SPATC1L: variants seen among roughly 807,000 people sequenced by gnomAD.
SPATC1L encodes spermatogenesis and centriole associated 1 like.
A neutral mutation model predicts 21.2 loss-of-function variants in SPATC1L; 20 were observed. The observed-to-expected ratio is 0.94, with a 90% CI of 0.66 to 1.37. SPATC1L has a LOEUF of 1.37. SPATC1L is among the 40% of genes most tolerant of loss of function. The pLI is 0.00. For missense variants in SPATC1L, 499 were observed against 478.7 expected, an observed-to-expected ratio of 1.04 and a Z score of -0.40; for synonymous variants, 290 against 234.5, an observed-to-expected ratio of 1.24 and a Z score of -2.16.
chr21:46,174,200 G>T (rs1366821685), intron 2 of SPATC1L, among the ~76,000 whole-genome samples: 1 of 152,002 alleles, frequency 6.6e-6, no homozygotes, highest in Admixed American at 6.6e-5. Context: ...ATGGTGTTGG[G>T]TGCCTATAAT....
chr21:46,162,228 C>T (rs2079504687), intron 3 of SPATC1L, among the ~76,000 whole-genome samples, 161 bp from the exon 4 acceptor site: 1 of 152,168 alleles, frequency 6.6e-6, no homozygotes, highest in South Asian at 2.1e-4. Flanking sequence ...AAAGGAGCTT[C>T]TTAAAGTGCC....
Position 46,168,456 on chromosome 21 carries a change from C to A in SPATC1L, c.396G>T (p.Lys132Asn). The A allele has an allele frequency of 6.2e-7, 1 of 1,600,242 alleles. No individual in the cohort carries two copies. Among genetic ancestry groups the A allele is most frequent in the Non-Finnish European group, 8.5e-7 (1 of 1,173,114 alleles). Residue 132 changes from lysine (K) to asparagine (N), a missense_variant, in exon 3 of 5, where the codon AAG becomes AAT. Coordinates refer to ENST00000291672, the MANE Select transcript of SPATC1L (RefSeq NM_001142854.2). ...GCAAGGGGCTCAGGAGCGGGGACAG[C>A]TTCCTGTCGGTGCCTCGGTGGCTAT... Reference protein sequence around the residue: ...EPHSHRGTDRKLSPLLSPLQD... With the variant: ...EPHSHRGTDRNLSPLLSPLQD...
Position 46,161,415 on chromosome 21 carries a change from G to C in SPATC1L, c.987C>G (p.Leu329=), listed in dbSNP as rs2079486349. 6.4e-7 allele frequency: 1 copy of C among 1,557,408 alleles called. No homozygotes were observed. The highest frequency in any genetic ancestry group is 1.3e-5 in the African/African-American group (1 of 74,218). Residue 329 remains leucine (L), a synonymous_variant, in exon 5 of 5, where the codon CTC becomes CTG. Coordinates refer to ENST00000291672, the MANE Select transcript of SPATC1L (RefSeq NM_001142854.2). ...AGAGGGGCTTGCCGTCCTCCTTGGA[G>C]AGCTCGCACAGGCAGTTGAGCAGCA... ...SLLLLNCLCE[L]SKEDGKPLFA... is the part of the protein sequence containing the mutation.
In SPATC1L at chr21:46,173,992, C is replaced by T. The variant is rs565309550; in HGVS notation, c.194-5334G>A. 8.9e-4 allele frequency among the ~76,000 whole-genome samples: 135 copies of T among 152,230 alleles called. 1 individual carries two copies. The highest frequency in any genetic ancestry group is 3.2e-3 in the African/African-American group (134 of 41,538). Reference sequence around the variant, plus strand: ...CCCCTTAAATATTCCATAAATGAAGCCAGTTGGCTGAATCCACCTTATACC... The same window carrying T: ...CCCCTTAAATATTCCATAAATGAAGTCAGTTGGCTGAATCCACCTTATACC... On this transcript the variant is annotated intron_variant, in intron 2 of 4. Transcript: ENST00000291672.
At chr21:46,174,759 G>A (rs2079620035) in intron 2 of SPATC1L, among the ~76,000 whole-genome samples, 1 of 152,106 alleles carries the variant, frequency 6.6e-6, no homozygotes, top group African/African-American at 2.4e-5. Flanking sequence ...AATTGAGACA[G>A]AAAATTAAAA....
chr21:46,175,188 A>C (rs1317924128), intron 2 of SPATC1L, among the ~76,000 whole-genome samples: 3 of 152,260 alleles, frequency 2.0e-5, no homozygotes, highest in Non-Finnish European at 4.4e-5. Context: ...TATAGCATTA[A>C]ATGTTCACAT....
chr21:46,174,347 A>AAC (rs2079615702), intron 2 of SPATC1L, among the ~76,000 whole-genome samples: 1 of 144,856 alleles, frequency 6.9e-6, no homozygotes, highest in African/African-American at 2.6e-5. Flanking sequence ...AACAAAACAA[A>AAC]AAAAAAAAAA....
At chr21:46,169,184 C>T (rs1391241226) in intron 2 of SPATC1L, among the ~76,000 whole-genome samples, 1 of 152,264 alleles carries the variant, frequency 6.6e-6, no homozygotes, top group African/African-American at 2.4e-5. Flanking sequence ...ATGGACAGGG[C>T]CTGTTTCCAT....
At chr21:46,171,217 A>G (rs2079587460) in intron 2 of SPATC1L, among the ~76,000 whole-genome samples, 1 of 152,242 alleles carries the variant, frequency 6.6e-6, no homozygotes, top group South Asian at 2.1e-4. Context: ...TCCCTGGCCA[A>G]ATTTAGCTTA....
At chr21:46,162,876 C>T (rs1206080541) in intron 3 of SPATC1L, among the ~76,000 whole-genome samples, 2 of 152,070 alleles carry the variant, frequency 1.3e-5, no homozygotes, top group Non-Finnish European at 2.9e-5. Context: ...CGTGAGCCAC[C>T]GCACCTGGCC....
intron 2 of SPATC1L, among the ~76,000 whole-genome samples, chr21:46,173,106 A>C (rs1414960167): frequency 6.6e-6 from 1 of 152,146 alleles, no homozygotes; most frequent in Non-Finnish European, 1.5e-5. Flanking sequence ...GCCGTCCCCC[A>C]GGCTTGATTT....
chr21:46,161,810 C>G, intron 4 of SPATC1L, 105 bp from the exon 5 acceptor site: 1 of 1,505,812 alleles, frequency 6.6e-7, no homozygotes, highest in South Asian at 1.2e-5. Context: ...TCCCCGGGGT[C>G]CCCTCCTGCG....
rs1057171091 is a variant in SPATC1L, at chr21:46,182,790, G to A, written c.27C>T (p.Ser9=). The change falls in exon 2 of 5, where the codon AGC becomes AGT. Residue 9 remains serine (S), a synonymous_variant. Coordinates refer to ENST00000291672, the MANE Select transcript of SPATC1L (RefSeq NM_001142854.2). MAEGGELM[S]RLLSENADLK... is the part of the protein sequence containing the mutation. The stretch of plus-strand genomic sequence containing the variant: ...GGTCCGCGTTCTCGCTCAGGAGCCG[G>A]CTCATCAGCTCGCCGCCTTCAGCCA... 1.9e-5 allele frequency: 29 copies of A among 1,543,800 alleles called. No individual in the cohort carries two copies. The African/African-American group carries it at 3.4e-4, about 18-fold the overall frequency.
Position 46,161,311 on chromosome 21 carries a change from G to T in SPATC1L, c.*68C>A. Reference sequence around the variant, plus strand: ...CCTTTCCCCTCCGGGGGGACGCGCAGGAGGCACCGCGGCCCCGGGTTGGAA... The same window carrying T: ...CCTTTCCCCTCCGGGGGGACGCGCATGAGGCACCGCGGCCCCGGGTTGGAA... On this transcript the variant is annotated 3_prime_UTR_variant, in exon 5 of 5. Transcript: ENST00000291672. The T allele has an allele frequency of 7.2e-7, 1 of 1,393,108 alleles. No homozygotes were observed. Among genetic ancestry groups the T allele is most frequent in the Non-Finnish European group, 9.4e-7 (1 of 1,062,636 alleles). The allele number at this position is 1,393,108 out of a possible 1,614,324, so 86.3% of individuals were successfully genotyped here.
At chr21:46,177,992 G>C (rs1198325510) in intron 2 of SPATC1L, among the ~76,000 whole-genome samples, 5 of 152,182 alleles carry the variant, frequency 3.3e-5, no homozygotes, top group African/African-American at 1.2e-4. Context: ...CCAGTACTTT[G>C]GGAGGCCAAG....
At chr21:46,172,108 G>A (rs199841888) in intron 2 of SPATC1L, among the ~76,000 whole-genome samples, 160 of 15,072 alleles carry the variant, frequency 0.011, 18 homozygotes, top group East Asian at 0.036. Context: ...CAGGAGTGCA[G>A]AGCATGAGGC....
chr21:46,163,593 G>A (rs565528244), intron 3 of SPATC1L, among the ~76,000 whole-genome samples: 2 of 152,150 alleles, frequency 1.3e-5, no homozygotes, highest in Admixed American at 6.5e-5. Context: ...AGCACCACGC[G>A]TTAGACAGTA....
At chr21:46,182,591 C>T in intron 2 of SPATC1L, 33 bp downstream of exon 2, 7 of 1,432,368 alleles carry the variant, frequency 4.9e-6, no homozygotes, top group Non-Finnish European at 6.4e-6. Flanking sequence ...ACCCCCTCAT[C>T]TACCAGGCCA....
chr21:46,182,585 C>T, intron 2 of SPATC1L, 39 bp downstream of exon 2: 1 of 1,427,752 alleles, frequency 7.0e-7, no homozygotes, highest in Non-Finnish European at 9.1e-7. Flanking sequence ...CCCGCGACCC[C>T]CTCATCTACC....
Sources: allele counts gnomAD v4.1 joint callset (sites outside exome capture counted in the v4.1 genomes callset), GRCh38; gene constraint gnomAD v4.1.1; transcripts MANE v1.5; gene names NCBI Gene and HGNC (gene_info 2026-07-23, HGNC 2026-07-21).